NDE1: variants seen among roughly 807,000 people sequenced by gnomAD.
The protein encoded by NDE1 is nuclear distribution protein nudE homolog 1.
In NDE1, 28 loss-of-function variants were observed where a neutral mutation model predicts 43.4. The observed-to-expected ratio is 0.65, with a 90% CI of 0.48 to 0.89. The LOEUF (loss-of-function observed/expected upper bound fraction) is 0.89. NDE1 is among the 40% of genes least tolerant of loss of function. The pLI is 0.00. For missense variants in NDE1, 441 were observed against 434.1 expected (o/e 1.02, Z -0.14); for synonymous variants, 184 against 172.0 (o/e 1.07, Z -0.55).
chr16:15,694,294 CCTGT>C (rs1240523233), intron 7 of NDE1, 38 bp downstream of exon 7: 4 of 1,605,496 alleles, frequency 2.5e-6, no homozygotes, highest in Non-Finnish European at 3.4e-6. Flanking sequence ...TGCCTTCCTG[CCTGT>C]CTTTCAGGAT....
rs578005190 is a variant in NDE1, at chr16:15,724,364, C to T, written c.*113C>T. 1 of 1,614,126 alleles carries T rather than the reference C, an allele frequency of 6.2e-7. No homozygotes were observed. Among genetic ancestry groups the T allele is most frequent in the African/African-American group, 1.3e-5 (1 of 75,032 alleles). ...CTCTTCTTCCCCTCTTCCAGAGCTT[C>T]CACGGTGCTGGCAAAGTCCTGCAGC... On this transcript the variant is annotated 3_prime_UTR_variant, in exon 9 of 9. Transcript: ENST00000396354.
chr16:15,677,567 C>T (rs2037945968), intron 3 of NDE1, among the ~76,000 whole-genome samples: 1 of 150,534 alleles, frequency 6.6e-6, no homozygotes, highest in South Asian at 2.1e-4. Context: ...GCCTGGGCAA[C>T]AGAGTGAGAC....
intron 8 of NDE1, chr16:15,702,027 C>A (rs1483488247): frequency 6.6e-6 from 1 of 152,040 alleles, no homozygotes; most frequent in African/African-American, 2.4e-5. Context: ...ATGAAAAAAT[C>A]TTTTTGAAAA....
At chr16:15,692,313 G>T (rs1335398031) in intron 6 of NDE1, among the ~76,000 whole-genome samples, 1 of 152,204 alleles carries the variant, frequency 6.6e-6, no homozygotes, top group South Asian at 2.1e-4. Context: ...AGGCAGGCAG[G>T]CTCCAGGGCT....
At chr16:15,681,407 G>A (rs1020434684) in intron 4 of NDE1, among the ~76,000 whole-genome samples, 1 of 151,234 alleles carries the variant, frequency 6.6e-6, no homozygotes, top group African/African-American at 2.4e-5. Context: ...TGGGACTATA[G>A]GCATGTGCCA....
intron 1 of NDE1, among the ~76,000 whole-genome samples, chr16:15,651,182 A>G (rs1346998714): frequency 6.6e-6 from 1 of 152,092 alleles, no homozygotes; most frequent in East Asian, 1.9e-4. Context: ...GTCCGTGGTT[A>G]CTACCAGGTT....
Position 15,718,768 on chromosome 16 carries a change from G to A in NDE1, c.948-5423G>A, listed in dbSNP as rs1038079968. ...CCCAAACAGGCATGAAAGCGCTGAC[G>A]GAAAACCTAACCACCATGGGTCTGT... On this transcript the variant is annotated intron_variant, in intron 8 of 8. Coordinates refer to ENST00000396354, the MANE Select transcript of NDE1 (RefSeq NM_017668.3). 1.3e-4 allele frequency: 58 copies of A among 453,616 alleles called. No individual in the cohort carries two copies. In the East Asian group the frequency reaches 2.3e-3, roughly 18 times the overall value. 28.1% of individuals were successfully genotyped at this position (453,616 alleles called of 1,614,324 possible). A position where few individuals can be genotyped will look rare whatever the true frequency, so the allele number is the denominator to read the frequency against.
chr16:15,691,473 C>T (rs2038750763), intron 6 of NDE1, 150 bp downstream of exon 6: 1 of 919,684 alleles, frequency 1.1e-6, no homozygotes, highest in Admixed American at 2.2e-5. Context: ...CTGGGATGTT[C>T]TTGGGGATGG....
In NDE1 at chr16:15,674,194, CCTTTT is replaced by C. The variant is rs2037747345; in HGVS notation, c.238-3604_238-3600del. ...ATCTCCCTCTCTGTCTCTCTCCTCT[CCTTTT>C]CTCTCCCTTTCCCTTCCTCCATCTT... On this transcript the variant is annotated intron_variant, in intron 3 of 8. Transcript: ENST00000396354. Among the ~76,000 whole-genome samples, 4 of 152,098 alleles carry C rather than the reference CCTTTT, an allele frequency of 2.6e-5. No individual in the cohort carries two copies. In the South Asian group the frequency reaches 8.3e-4, roughly 32 times the overall value.
intron 8 of NDE1, among the ~76,000 whole-genome samples, chr16:15,705,540 T>C (rs2039402528): frequency 6.6e-6 from 1 of 152,212 alleles, no homozygotes; most frequent in African/African-American, 2.4e-5. Flanking sequence ...TATGTTGGGC[T>C]CTGGCCATCT....
chr16:15,703,001 T>G (rs967366020), intron 8 of NDE1, among the ~76,000 whole-genome samples: 1 of 152,094 alleles, frequency 6.6e-6, no homozygotes, highest in Non-Finnish European at 1.5e-5. Flanking sequence ...TGATTTCACC[T>G]CTCTAGGCCT....
At chr16:15,690,912 AT>A (rs1425403007) in intron 5 of NDE1, among the ~76,000 whole-genome samples, 1 of 152,124 alleles carries the variant, frequency 6.6e-6, no homozygotes, top group Non-Finnish European at 1.5e-5. Flanking sequence ...GGTTCAAATG[AT>A]TCTCATGCCT....
intron 5 of NDE1, 89 bp from the exon 6 acceptor site, chr16:15,691,055 G>T (rs965508233): frequency 6.5e-7 from 1 of 1,535,240 alleles, no homozygotes; most frequent in African/African-American, 1.4e-5. Flanking sequence ...CGATCCACCT[G>T]CCTTGGCCTC....
chr16:15,720,338 T>C (rs778033386), intron 8 of NDE1: 2 of 1,606,672 alleles, frequency 1.2e-6, no homozygotes, highest in Non-Finnish European at 1.7e-6. Flanking sequence ...AGATGTGTGC[T>C]GCCCCACTTG....
intron 8 of NDE1, chr16:15,719,167 C>G: frequency 6.5e-7 from 1 of 1,532,680 alleles, no homozygotes; most frequent in Non-Finnish European, 9.0e-7. Context: ...GAGGATGCTG[C>G]CTGTCCCCCC....
chr16:15,703,227 C>A, intron 8 of NDE1: 1 of 212,102 alleles, frequency 4.7e-6, no homozygotes, highest in Non-Finnish European at 9.6e-6. Flanking sequence ...GTGGGAGCAG[C>A]GTCTCCTTTT....
In NDE1 at chr16:15,721,466, C is replaced by T. The variant is rs1596721070; in HGVS notation, c.948-2725C>T. ...TTGGAGCTGACCAGGTCTTCCATTT[C>T]GGCTTTGAGCATTTTGTTGGTCCGC... On this transcript the variant is annotated intron_variant, in intron 8 of 8. Coordinates refer to ENST00000396354, the MANE Select transcript of NDE1 (RefSeq NM_017668.3). 6 of 1,614,178 alleles carry T rather than the reference C, an allele frequency of 3.7e-6. No homozygotes were observed. The highest frequency in any genetic ancestry group is 2.2e-5 in the East Asian group (1 of 44,874).
At chr16:15,700,528 C>A (rs8048427) in intron 8 of NDE1, 1 of 150,822 alleles carries the variant, frequency 6.6e-6, no homozygotes, top group Non-Finnish European at 1.5e-5. Context: ...TTCGGCTCAC[C>A]GCAGCCTCCG....
In NDE1 at chr16:15,703,998, C is replaced by T. The variant is rs914328780; in HGVS notation, c.947+7138C>T. The T allele has an allele frequency of 1.9e-6, 3 of 1,614,074 alleles. No individual in the cohort carries two copies. The highest frequency in any genetic ancestry group is 2.5e-6 in the Non-Finnish European group (3 of 1,179,992). On this transcript the variant is annotated intron_variant, in intron 8 of 8. Transcript: ENST00000396354. ...AAAACTGTAGAAAGTTGCTTATTCA[C>T]TGGCCTTGGTTCCATTGAAGTCTGC...
Sources: allele counts gnomAD v4.1 joint callset (sites outside exome capture counted in the v4.1 genomes callset), GRCh38; gene constraint gnomAD v4.1.1; transcripts MANE v1.5; gene names NCBI Gene and HGNC (gene_info 2026-07-23, HGNC 2026-07-21).